CPE: variants seen among roughly 807,000 people sequenced by gnomAD.
CPE encodes the protein carbocypeptidase E.
CPE carries 17 observed loss-of-function variants against 53.5 expected under a neutral mutation model. That is an observed-to-expected ratio of 0.32 (90% CI 0.22 to 0.48). The LOEUF (loss-of-function observed/expected upper bound fraction) is 0.48, where lower values mean the gene tolerates loss of function less well. Ranked by LOEUF, CPE falls within the 20% of genes least tolerant of loss-of-function variation. The probability of loss-of-function intolerance (pLI) is 0.99; values close to 1 mark genes in which losing one functional copy is unlikely to be tolerated. For missense variants in CPE, 524 were observed against 614.7 expected, an observed-to-expected ratio of 0.85 and a Z score of 1.56; for synonymous variants, 226 against 228.8, an observed-to-expected ratio of 0.99 and a Z score of 0.11.
chr4:165,385,927 C>G (rs1730583514), intron 1 of CPE, among the ~76,000 whole-genome samples: 1 of 152,188 alleles, frequency 6.6e-6, no homozygotes, highest in Non-Finnish European at 1.5e-5. Context: ...TTTGAAACCT[C>G]CTTTCTCCCC....
At chr4:165,434,742 T>C (rs960640225) in intron 1 of CPE, among the ~76,000 whole-genome samples, 1 of 152,140 alleles carries the variant, frequency 6.6e-6, no homozygotes, top group African/African-American at 2.4e-5. Flanking sequence ...TACCTGGTAG[T>C]TGAGTGCGTG....
chr4:165,403,688 CAG>C (rs1257536226), intron 1 of CPE, among the ~76,000 whole-genome samples: 1 of 132,142 alleles, frequency 7.6e-6, no homozygotes. Flanking sequence ...TTTTTTTTTA[CAG>C]AGTTTGGTTT....
chr4:165,450,230 CA>C (rs1315353037), intron 1 of CPE, among the ~76,000 whole-genome samples: 1 of 152,050 alleles, frequency 6.6e-6, no homozygotes, highest in Non-Finnish European at 1.5e-5. Context: ...AATACTAATA[CA>C]AACAAAAACT....
chr4:165,417,011 A>C (rs1208194708), intron 1 of CPE, among the ~76,000 whole-genome samples: 1 of 152,066 alleles, frequency 6.6e-6, no homozygotes, highest in Non-Finnish European at 1.5e-5. Context: ...GCAGGACTGG[A>C]GTTAGGTTTT....
At chr4:165,409,542 C>T (rs186739488) in intron 1 of CPE, among the ~76,000 whole-genome samples, 8 of 152,192 alleles carry the variant, frequency 5.3e-5, no homozygotes, top group Admixed American at 3.3e-4. Context: ...TTCAGTGAAT[C>T]GATGCCACTT....
chr4:165,392,914 T>G (rs903243844), intron 1 of CPE, among the ~76,000 whole-genome samples: 1 of 149,366 alleles, frequency 6.7e-6, no homozygotes, highest in Non-Finnish European at 1.5e-5. Context: ...CATAATACAG[T>G]TATATAGTAT....
chr4:165,436,156 TA>T (rs940099519), intron 1 of CPE, among the ~76,000 whole-genome samples: 2 of 151,610 alleles, frequency 1.3e-5, no homozygotes, highest in African/African-American at 4.8e-5. Context: ...TCCCTACATA[TA>T]AAAAATATAT....
intron 1 of CPE, among the ~76,000 whole-genome samples, chr4:165,457,525 G>A (rs756529129): frequency 2.0e-5 from 3 of 152,108 alleles, no homozygotes; most frequent in Non-Finnish European, 2.9e-5. Context: ...TAGAATCTTA[G>A]TAGAGATATT....
chr4:165,385,972 T>G (rs1001664085), intron 1 of CPE, among the ~76,000 whole-genome samples: 10 of 152,196 alleles, frequency 6.6e-5, no homozygotes, highest in African/African-American at 2.4e-4. Flanking sequence ...TGGGGCTCTT[T>G]CTTTATGCTT....
chr4:165,483,627 C>T (rs1169519342), intron 4 of CPE, among the ~76,000 whole-genome samples: 2 of 152,206 alleles, frequency 1.3e-5, no homozygotes, highest in Non-Finnish European at 2.9e-5. Flanking sequence ...GAATCCACGA[C>T]AACATCTGTT....
chr4:165,486,863 A>C (rs1318795106), intron 5 of CPE, among the ~76,000 whole-genome samples: 2 of 152,066 alleles, frequency 1.3e-5, no homozygotes, highest in African/African-American at 4.8e-5. Context: ...CTTCGGAGAG[A>C]GGCATAGACC....
chr4:165,455,786 G>A (rs1217671628), intron 1 of CPE, among the ~76,000 whole-genome samples: 2 of 151,976 alleles, frequency 1.3e-5, no homozygotes, highest in Admixed American at 1.3e-4. Context: ...TCGAGTAGCT[G>A]GAATTACAGG....
chr4:165,417,851 T>C (rs1731151246), intron 1 of CPE, among the ~76,000 whole-genome samples: 1 of 152,070 alleles, frequency 6.6e-6, no homozygotes, highest in East Asian at 1.9e-4. Flanking sequence ...TAATAAATAA[T>C]TTGTAGTGAA....
Position 165,467,806 on chromosome 4 carries a change from A to G in CPE, c.623A>G (p.Asn208Ser). The change falls in exon 3 of 9, where the codon AAT becomes AGT. Residue 208 changes from asparagine (N) to serine (S), a missense_variant. Coordinates refer to ENST00000402744, the MANE Select transcript of CPE (RefSeq NM_001873.4). ...VYVNEKEGGP[N>S]NHLLKNMKKI... The stretch of plus-strand genomic sequence containing the variant: ...GTGAATGAGAAAGAAGGTGGTCCAA[A>G]TAATCATCTGTTGAAAAATATGAAG... 6.2e-7 allele frequency: 1 copy of G among 1,613,884 alleles called. No individual in the cohort carries two copies. The highest frequency in any genetic ancestry group is 8.5e-7 in the Non-Finnish European group (1 of 1,179,866).
chr4:165,480,231 T>C (rs1732381072), intron 3 of CPE, among the ~76,000 whole-genome samples: 1 of 152,316 alleles, frequency 6.6e-6, no homozygotes, highest in East Asian at 1.9e-4. Context: ...ATTATACTGT[T>C]GCTGGTTATA....
intron 1 of CPE, among the ~76,000 whole-genome samples, chr4:165,429,599 G>A (rs1731376028): frequency 6.6e-6 from 1 of 152,020 alleles, no homozygotes; most frequent in African/African-American, 2.4e-5. Flanking sequence ...CGACTCCAGA[G>A]GCTGAAGTGG....
At chr4:165,451,777 A>G (rs1395741380) in intron 1 of CPE, among the ~76,000 whole-genome samples, 1 of 152,116 alleles carries the variant, frequency 6.6e-6, no homozygotes, top group Admixed American at 6.5e-5. Flanking sequence ...GTCGTGAGCC[A>G]CTGTGCTCGG....
At chr4:165,396,993 T>G (rs1463910239) in intron 1 of CPE, among the ~76,000 whole-genome samples, 2 of 151,910 alleles carry the variant, frequency 1.3e-5, no homozygotes, top group African/African-American at 4.8e-5. Flanking sequence ...CCCAGGAGGT[T>G]GAGGCTGCAG....
At chr4:165,444,715 C>T (rs1731675250) in intron 1 of CPE, among the ~76,000 whole-genome samples, 1 of 152,036 alleles carries the variant, frequency 6.6e-6, no homozygotes, top group Non-Finnish European at 1.5e-5. Flanking sequence ...TGCGTCTTCC[C>T]CAGTTTTATC....
Sources: gnomAD v4.1 joint callset for allele counts (sites outside exome capture counted in the v4.1 genomes callset) on GRCh38, gnomAD v4.1.1 for gene constraint, MANE v1.5 for transcripts, NCBI Gene and HGNC (gene_info 2026-07-23, HGNC 2026-07-21) for gene names.